Variants in CYTH3 observed in about 807,000 individuals in gnomAD.
CYTH3 encodes cytohesin 3.
CYTH3 carries 23 observed loss-of-function variants against 55.1 expected under a neutral mutation model. That is an observed-to-expected ratio of 0.42 (90% CI 0.30 to 0.59). The LOEUF is 0.59. Among genes scored for constraint, CYTH3 ranks in the 20% least tolerant of loss-of-function variants. The pLI is 0.20. For synonymous variants in CYTH3, 249 were observed against 194.9 expected, an observed-to-expected ratio of 1.28 and a Z score of -2.31; for missense variants, 413 against 524.8, an observed-to-expected ratio of 0.79 and a Z score of 2.08.
Position 6,250,324 on chromosome 7 carries a change from C to T in CYTH3, c.34+22150G>A, listed in dbSNP as rs897067250. Among the ~76,000 whole-genome samples the T allele has an allele frequency of 3.9e-5, 6 of 152,250 alleles. No individual in the cohort carries two copies. The Middle Eastern group carries it at 0.01, about 259-fold the overall frequency. On this transcript the variant is annotated intron_variant, in intron 1 of 12. Coordinates refer to ENST00000350796, the MANE Select transcript of CYTH3 (RefSeq NM_004227.4). Reference sequence around the variant, plus strand: ...ATTTGATGTGGTCCTTCAAATAATACGGGTTAAAATAAACTTCAACCTTTT... The same window carrying T: ...ATTTGATGTGGTCCTTCAAATAATATGGGTTAAAATAAACTTCAACCTTTT...
intron 3 of CYTH3, 103 bp from the exon 4 acceptor site, chr7:6,187,219 A>G: frequency 7.9e-7 from 1 of 1,259,710 alleles, no homozygotes; most frequent in Non-Finnish European, 1.2e-6. Context: ...GGCTCAAGGA[A>G]GCGAAGCACA....
chr7:6,203,602 G>A (rs1290447363), intron 1 of CYTH3, among the ~76,000 whole-genome samples: 2 of 152,192 alleles, frequency 1.3e-5, no homozygotes, highest in Non-Finnish European at 2.9e-5. Flanking sequence ...CTTCGATGGT[G>A]ACAGCACTGT....
chr7:6,181,285 C>A (rs981294466), intron 4 of CYTH3, among the ~76,000 whole-genome samples: 3 of 152,136 alleles, frequency 2.0e-5, no homozygotes, highest in African/African-American at 7.2e-5. Flanking sequence ...CCTATGTAGT[C>A]ATTTCTTGTT....
chr7:6,227,883 G>A lies in CYTH3; in HGVS notation c.35-37352C>T, dbSNP rs1297073578. ...ACCTTACTGGACCTCGGCTGAACCA[G>A]GGTATACAAGTGCTCACTTTCTGGA... On this transcript the variant is annotated intron_variant, in intron 1 of 12. Coordinates refer to ENST00000350796, the MANE Select transcript of CYTH3 (RefSeq NM_004227.4). Among the ~76,000 whole-genome samples, 18 of 152,186 alleles carry A rather than the reference G, an allele frequency of 1.2e-4. 2 individuals are homozygous for A. Among genetic ancestry groups the A allele is most frequent in the African/African-American group, 2.4e-5 (1 of 41,438 alleles).
intron 2 of CYTH3, 88 bp downstream of exon 2, chr7:6,190,361 T>A: frequency 4.2e-6 from 4 of 955,432 alleles, no homozygotes; most frequent in Non-Finnish European, 5.7e-6. Context: ...TTTTTTTTTT[T>A]ACATTTTTGT....
rs771188198 is a variant in CYTH3, at chr7:6,170,908, G to C, written c.633C>G (p.Asp211Glu). Reference sequence around the variant, plus strand: ...CGATGAACCGTTCTGCCGTGGGCTTGTCACGCACGTTGTGGTTGTGGAGGC... The same window carrying C: ...CGATGAACCGTTCTGCCGTGGGCTTCTCACGCACGTTGTGGTTGTGGAGGC... ...NTSLHNHNVRDKPTAERFIAM... is the reference protein window; with the variant it reads ...NTSLHNHNVREKPTAERFIAM... The change falls in exon 8 of 13, where the codon GAC becomes GAG. Residue 211 changes from aspartate to glutamate, a missense_variant. Transcript: ENST00000350796. The surrounding 1 kb of genome is among the most constrained non-coding windows in gnomAD (Gnocchi z 7.8). 14 of 1,613,886 alleles carry C rather than the reference G, an allele frequency of 8.7e-6. No homozygotes were observed. Among genetic ancestry groups the C allele is most frequent in the African/African-American group, 1.3e-5 (1 of 74,950 alleles).
chr7:6,252,012 T>C (rs1217291920), intron 1 of CYTH3, among the ~76,000 whole-genome samples: 1 of 152,204 alleles, frequency 6.6e-6, no homozygotes, highest in African/African-American at 2.4e-5. Flanking sequence ...TAAAACATAA[T>C]TCATTTTCAG....
intron 1 of CYTH3, among the ~76,000 whole-genome samples, chr7:6,224,594 C>G (rs1039528673): frequency 2.6e-5 from 4 of 152,148 alleles, no homozygotes; most frequent in African/African-American, 7.2e-5. Flanking sequence ...GAAATTTAAC[C>G]ATCATACATT....
intron 5 of CYTH3, among the ~76,000 whole-genome samples, chr7:6,175,492 A>G (rs1219250183): frequency 2.8e-5 from 4 of 140,746 alleles, no homozygotes; most frequent in Non-Finnish European, 6.1e-5. Flanking sequence ...TCCATCATTT[A>G]TGTATGTGTA....
intron 1 of CYTH3, among the ~76,000 whole-genome samples, chr7:6,190,845 G>T (rs1399871565): frequency 1.3e-5 from 2 of 152,060 alleles, no homozygotes; most frequent in African/African-American, 4.8e-5. Flanking sequence ...AGGAGGCTGA[G>T]GTGGGTGGAT....
chr7:6,259,748 ATATATATATT>A lies in CYTH3; in HGVS notation c.34+12716_34+12725del, dbSNP rs1780235786. Among the ~76,000 whole-genome samples, 4 of 17,844 alleles carry A rather than the reference ATATATATATT, an allele frequency of 2.2e-4. No individual in the cohort carries two copies. The South Asian group carries it at 6.4e-3, about 28-fold the overall frequency. The allele number at this position is 17,844 out of a possible 152,430, so 11.7% of individuals were successfully genotyped here. A position where few individuals can be genotyped will look rare whatever the true frequency, so the allele number is the denominator to read the frequency against. On this transcript the variant is annotated intron_variant, in intron 1 of 12. Coordinates refer to ENST00000350796, the MANE Select transcript of CYTH3 (RefSeq NM_004227.4). ...TATTTTACATACATATATATAATAT[ATATATATATT>A]ATATATATATATATTATATATATAT...
chr7:6,272,382 G>A, intron 1 of CYTH3, 92 bp downstream of exon 1: 1 of 1,171,164 alleles, frequency 8.5e-7, no homozygotes, highest in Non-Finnish European at 1.1e-6. Flanking sequence ...GTCTCCTCCG[G>A]CGAACCCCGG....
intron 1 of CYTH3, among the ~76,000 whole-genome samples, chr7:6,207,364 G>A (rs927391592): frequency 1.3e-5 from 2 of 152,072 alleles, no homozygotes; most frequent in Non-Finnish European, 2.9e-5. Flanking sequence ...AAAGTGCTGG[G>A]ACTACAGGCG....
intron 1 of CYTH3, among the ~76,000 whole-genome samples, chr7:6,244,568 G>A (rs540451508): frequency 7.9e-5 from 12 of 152,206 alleles, no homozygotes; most frequent in East Asian, 1.9e-4. Context: ...GGACTCAAGC[G>A]ATCCTCCTGC....
At chr7:6,259,773 T>TAATATATATATATATA (rs1491421329) in intron 1 of CYTH3, among the ~76,000 whole-genome samples, 1 of 22,306 alleles carries the variant, frequency 4.5e-5, no homozygotes, top group African/African-American at 6.2e-4. Context: ...ATATATATAT[T>TAATATATATATATATA]ATATATATAT....
chr7:6,187,577 C>T (rs940731366), intron 3 of CYTH3, 80 bp downstream of exon 3: 2 of 1,274,148 alleles, frequency 1.6e-6, no homozygotes, highest in African/African-American at 1.5e-5. Flanking sequence ...ACTCTCACCC[C>T]ACTTTCTGCA....
chr7:6,269,419 A>G (rs1439504948), intron 1 of CYTH3, among the ~76,000 whole-genome samples: 1 of 152,184 alleles, frequency 6.6e-6, no homozygotes, highest in Non-Finnish European at 1.5e-5. Flanking sequence ...CACCTGAAGC[A>G]CAGACACCTA....
At chr7:6,188,355 A>C (rs1330111968) in intron 2 of CYTH3, among the ~76,000 whole-genome samples, 2 of 151,300 alleles carry the variant, frequency 1.3e-5, no homozygotes, top group African/African-American at 4.9e-5. Context: ...AAACAAAAAA[A>C]CAAAAAAAAA....
intron 1 of CYTH3, among the ~76,000 whole-genome samples, chr7:6,214,903 T>C (rs1056859069): frequency 1.3e-5 from 2 of 152,120 alleles, no homozygotes; most frequent in Admixed American, 6.5e-5. Flanking sequence ...ACTCTTAGTA[T>C]AGAGACAATA....
Sources: allele counts gnomAD v4.1 joint callset (sites outside exome capture counted in the v4.1 genomes callset), GRCh38; gene constraint gnomAD v4.1.1; non-coding constraint Gnocchi (gnomAD v3.1); transcripts MANE v1.5; gene names NCBI Gene and HGNC (gene_info 2026-07-23, HGNC 2026-07-21).